NAV2: variants seen among roughly 807,000 people sequenced by gnomAD.
NAV2 encodes neuron navigator 2.
A neutral mutation model predicts 223.2 loss-of-function variants in NAV2; 54 were observed. The observed-to-expected ratio is 0.24, with a 90% CI of 0.19 to 0.30. The LOEUF is 0.30. NAV2 is among the 10% of genes least tolerant of loss of function. The probability of loss-of-function intolerance (pLI) is 1.00; values close to 1 mark genes in which losing one functional copy is unlikely to be tolerated. For synonymous variants in NAV2, 1,279 were observed against 1,239.3 expected, an observed-to-expected ratio of 1.03 and a Z score of -0.67; for missense variants, 2,806 against 3,147.5, an observed-to-expected ratio of 0.89 and a Z score of 2.60.
intron 1 of NAV2, among the ~76,000 whole-genome samples, chr11:19,522,915 A>G (rs1009259550): frequency 2.6e-5 from 4 of 152,186 alleles, no homozygotes; most frequent in African/African-American, 9.7e-5. Flanking sequence ...TCTTACTTGC[A>G]GTTATTATTA....
At chr11:19,951,116 T>G (rs907614101) in intron 10 of NAV2, among the ~76,000 whole-genome samples, 4 of 152,170 alleles carry the variant, frequency 2.6e-5, no homozygotes, top group Non-Finnish European at 5.9e-5. Context: ...GTTTTATGAC[T>G]GGCTTTGGGG....
intron 1 of NAV2, among the ~76,000 whole-genome samples, chr11:19,707,110 G>A (rs2049687497): frequency 6.6e-6 from 1 of 152,200 alleles, no homozygotes; most frequent in African/African-American, 2.4e-5. Flanking sequence ...TGCTCTGGGT[G>A]AGTCAGTGAG....
intron 1 of NAV2, among the ~76,000 whole-genome samples, chr11:19,684,508 G>A (rs2048967542): frequency 6.6e-6 from 1 of 152,100 alleles, no homozygotes; most frequent in African/African-American, 2.4e-5. Context: ...CCCTTAGTCT[G>A]GAGCACCCAA....
At position 19,892,574 on chromosome 11, in the gene NAV2, C is replaced by G. The variant is rs202102258; in HGVS notation, c.911C>G (p.Pro304Arg). 6.2e-7 allele frequency: 1 copy of G among 1,613,894 alleles called. No homozygotes were observed. The highest frequency in any genetic ancestry group is 8.5e-7 in the Non-Finnish European group (1 of 1,179,924). Residue 304 changes from proline (P) to arginine (R), a missense_variant, in exon 6 of 38, where the codon CCG becomes CGG. This residue lies in a region of NAV2 where 1,167 missense variants were observed against 1,180.5 expected (regional missense o/e 0.99). Coordinates refer to ENST00000349880, the MANE Select transcript of NAV2 (RefSeq NM_145117.5). The stretch of plus-strand genomic sequence containing the variant: ...AAACCAGTCACCTCCCCACCCCCAC[C>G]GCCAAGCAGCCACGAGAAAGGTGAG... ...KSKPVTSPPP[P>R]PSSHEKEPLA...
intron 10 of NAV2, among the ~76,000 whole-genome samples, chr11:19,979,746 T>C (rs923073723): frequency 1.1e-4 from 17 of 152,156 alleles, no homozygotes; most frequent in African/African-American, 4.1e-4. Context: ...TAGGAAGTGC[T>C]CCCTATATGC....
chr11:19,635,406 A>T (rs1453977315), intron 1 of NAV2, among the ~76,000 whole-genome samples: 1 of 152,222 alleles, frequency 6.6e-6, no homozygotes, highest in African/African-American at 2.4e-5. Context: ...GAATGGTATT[A>T]TGGTAATGTA....
At chr11:19,845,840 AT>A (rs1490352554) in intron 3 of NAV2, among the ~76,000 whole-genome samples, 1 of 152,166 alleles carries the variant, frequency 6.6e-6, no homozygotes, top group Non-Finnish European at 1.5e-5. Context: ...TGGGCTTGGC[AT>A]TGTGTACTTT....
rs74457800 is a variant in NAV2, at chr11:20,031,884, T to C, written c.2769-4075T>C. On this transcript the variant is annotated intron_variant, in intron 11 of 37. Transcript: ENST00000349880. ...TAAAATGTTGATGTACTGTTTACAG[T>C]GTGAATCTCCAACAAGGCAGGAGAT... is the stretch of plus-strand genomic sequence containing the variant. Among the ~76,000 whole-genome samples the C allele has an allele frequency of 4.5e-3, 684 of 152,296 alleles. 10 individuals are homozygous for C. The highest frequency in any genetic ancestry group is 0.016 in the African/African-American group (659 of 41,556).
chr11:19,467,503 T>C (rs574016537), intron 1 of NAV2, among the ~76,000 whole-genome samples: 16 of 152,328 alleles, frequency 1.1e-4, no homozygotes, highest in African/African-American at 3.4e-4. Context: ...TACCTTTCCA[T>C]TGGAGGTGAA....
chr11:19,397,424 C>CGT lies in NAV2; in HGVS notation c.75+46397_75+46398insGT, dbSNP rs1564904910. Among the ~76,000 whole-genome samples, 49 of 33,200 alleles carry CGT rather than the reference C, an allele frequency of 1.5e-3. No individual in the cohort carries two copies. In the East Asian group the frequency reaches 0.036, roughly 24 times the overall value. 21.8% of individuals were successfully genotyped at this position (33,200 alleles called of 152,430 possible). A position where few individuals can be genotyped will look rare whatever the true frequency, so the allele number is the denominator to read the frequency against. ...GTGTGTGTGTGTGTGTGTGTGCGCG[C>CGT]ATGTGTGTGTAGGGAATACTGTTCT... On this transcript the variant is annotated intron_variant, in intron 1 of 37. Coordinates refer to the NAV2 transcript ENST00000360655.
intron 1 of NAV2, among the ~76,000 whole-genome samples, chr11:19,479,510 G>A (rs548308661): frequency 9.7e-4 from 147 of 152,164 alleles, no homozygotes; most frequent in Non-Finnish European, 1.8e-3. Flanking sequence ...CACTCAGGAG[G>A]GCAAGTGCTA....
chr11:20,065,852 C>T (rs2059013736), intron 20 of NAV2, among the ~76,000 whole-genome samples: 1 of 152,234 alleles, frequency 6.6e-6, no homozygotes, highest in African/African-American at 2.4e-5. Context: ...TCACCATTAA[C>T]TTGTACCCTT....
intron 37 of NAV2, 30 bp downstream of exon 37, chr11:20,114,825 C>T (rs181846953): frequency 6.3e-6 from 10 of 1,594,050 alleles, no homozygotes; most frequent in Non-Finnish European, 7.7e-6. Context: ...AGCAGCTCAG[C>T]ATTCCTTTAG....
At chr11:19,430,994 C>T (rs1184506709) in intron 1 of NAV2, among the ~76,000 whole-genome samples, 3 of 152,152 alleles carry the variant, frequency 2.0e-5, no homozygotes, top group Admixed American at 1.3e-4. Context: ...GATTCAGACA[C>T]AATAGAAAAA....
Position 19,691,267 on chromosome 11 carries a change from A to C in NAV2, c.76-141217A>C, listed in dbSNP as rs11605004. Reference sequence around the variant, plus strand: ...CCACATTAAAAAACAGAAAAAAAAAACAGATGACATTCATTATAGCAAATG... The same window carrying C: ...CCACATTAAAAAACAGAAAAAAAAACCAGATGACATTCATTATAGCAAATG... On this transcript the variant is annotated intron_variant, in intron 1 of 37. Coordinates refer to the NAV2 transcript ENST00000360655. 4.6e-3 allele frequency among the ~76,000 whole-genome samples: 703 copies of C among 151,514 alleles called. 4 individuals are homozygous for C. The highest frequency in any genetic ancestry group is 7.9e-3 in the Non-Finnish European group (535 of 67,704).
At chr11:19,599,592 A>C (rs1157317452) in intron 1 of NAV2, among the ~76,000 whole-genome samples, 1 of 152,232 alleles carries the variant, frequency 6.6e-6, no homozygotes, top group African/African-American at 2.4e-5. Context: ...AAACTGCCTC[A>C]TCAAACTGTA....
At chr11:19,893,571 T>A (rs2041691475) in intron 6 of NAV2, among the ~76,000 whole-genome samples, 1 of 152,198 alleles carries the variant, frequency 6.6e-6, no homozygotes, top group Non-Finnish European at 1.5e-5. Flanking sequence ...TCAGAGTCAC[T>A]TGATGCAGTG....
At position 20,119,139 on chromosome 11, in the gene NAV2, A is replaced by G. The variant is rs983960560; in HGVS notation, c.*881A>G. ...ACTTTGGAGAACAGGTTACCTTTTG[A>G]AAATGAGGTTGAGTTTCTTCCTTTC... On this transcript the variant is annotated 3_prime_UTR_variant, in exon 38 of 38. Transcript: ENST00000349880. 1 of 151,766 alleles carries G rather than the reference A, an allele frequency of 6.6e-6. No homozygotes were observed. Among genetic ancestry groups the G allele is most frequent in the African/African-American group, 2.4e-5 (1 of 41,200 alleles). 9.4% of individuals were successfully genotyped at this position (151,766 alleles called of 1,614,324 possible). A position where few individuals can be genotyped will look rare whatever the true frequency, so the allele number is the denominator to read the frequency against.
At chr11:19,412,762 C>T (rs1590156104) in intron 1 of NAV2, among the ~76,000 whole-genome samples, 1 of 152,344 alleles carries the variant, frequency 6.6e-6, no homozygotes, top group East Asian at 1.9e-4. Flanking sequence ...GCAGCCTCTG[C>T]TGGTGATACC....
Sources: gnomAD v4.1 joint callset for allele counts (sites outside exome capture counted in the v4.1 genomes callset) on GRCh38, gnomAD v4.1.1 for gene constraint, gnomAD v4.1.1 regional missense constraint, MANE v1.5 for transcripts, NCBI Gene and HGNC (gene_info 2026-07-23, HGNC 2026-07-21) for gene names.